LAMB4: variants seen among roughly 807,000 people sequenced by gnomAD.
LAMB4 encodes the protein laminin subunit beta 4.
Under a neutral mutation model 199.2 loss-of-function variants are expected in LAMB4, and 196 were observed. The observed-to-expected ratio is 0.98, with a 90% CI of 0.88 to 1.11. The LOEUF is 1.11. Ranked by LOEUF, LAMB4 falls within the 50% of genes least tolerant of loss-of-function variation. The pLI is 0.00. For synonymous variants in LAMB4, 744 were observed against 770.6 expected (o/e 0.97, Z 0.57); for missense variants, 2,080 against 2,171.2 (o/e 0.96, Z 0.83).
intron 6 of LAMB4, among the ~76,000 whole-genome samples, chr7:108,106,942 A>G (rs1304703568): frequency 6.6e-6 from 1 of 152,206 alleles, no homozygotes; most frequent in Non-Finnish European, 1.5e-5. Flanking sequence ...GGCATAGAAT[A>G]CAGATTATCA....
chr7:108,043,545 G>GTTT lies in LAMB4; in HGVS notation c.4471+204_4471+206dup, dbSNP rs748169558. 3.4e-4 allele frequency among the ~76,000 whole-genome samples: 19 copies of GTTT among 55,990 alleles called. 5 individuals carry two copies. Among genetic ancestry groups the GTTT allele is most frequent in the Non-Finnish European group, 4.6e-4 (16 of 34,520 alleles). 36.7% of individuals were successfully genotyped at this position (55,990 alleles called of 152,430 possible). A position where few individuals can be genotyped will look rare whatever the true frequency, so the allele number is the denominator to read the frequency against. On this transcript the variant is annotated intron_variant, in intron 29 of 33. Transcript: ENST00000388781. ...AATATAATTTGGAACTGGCTATGAT[G>GTTT]TTTTTTTTTTTTTTTTTTTTTTTTT...
At chr7:108,037,741 A>G in intron 29 of LAMB4, 146 bp from the exon 30 acceptor site, 1 of 635,676 alleles carries the variant, frequency 1.6e-6, no homozygotes, top group Non-Finnish European at 2.8e-6. Context: ...GTAGCTTCCT[A>G]TAGATTCTTC....
chr7:108,087,301 T>C (rs2037219434), intron 14 of LAMB4, among the ~76,000 whole-genome samples: 1 of 152,214 alleles, frequency 6.6e-6, no homozygotes, highest in Non-Finnish European at 1.5e-5. Flanking sequence ...GTTTCTGTTT[T>C]CTTTCATTCA....
At chr7:108,084,719 A>G (rs1018953951) in intron 14 of LAMB4, among the ~76,000 whole-genome samples, 2 of 151,284 alleles carry the variant, frequency 1.3e-5, no homozygotes, top group African/African-American at 4.8e-5. Context: ...GCTTTCTGTT[A>G]GAACCAGACT....
chr7:108,016,747 T>C, the LAMB4 span, among the ~76,000 whole-genome samples: 1 of 152,242 alleles, frequency 6.6e-6, no homozygotes, highest in Admixed American at 6.5e-5. Flanking sequence ...AGAGGTAATA[T>C]CTTCAGCTAG....
At chr7:108,086,128 G>C (rs1241400760) in intron 14 of LAMB4, among the ~76,000 whole-genome samples, 1 of 152,190 alleles carries the variant, frequency 6.6e-6, no homozygotes, top group East Asian at 1.9e-4. Context: ...AAGGTTACCT[G>C]CATCTGCCCT....
In LAMB4 at chr7:108,069,865, G is replaced by A; in HGVS notation, c.2145C>T (p.Ile715=). The A allele has an allele frequency of 6.2e-7, 1 of 1,612,652 alleles. No individual in the cohort carries two copies. The highest frequency in any genetic ancestry group is 8.5e-7 in the Non-Finnish European group (1 of 1,178,888). The stretch of plus-strand genomic sequence containing the variant: ...TGCTGCAGAAATTCTCCAATGAATT[G>A]ATTTGGGGAATAAGGCCAAGCTTTT... ...LVDSLGLIPQ[I]NSLENFCSKQ... The change falls in exon 18 of 34, where the codon ATC becomes ATT. Residue 715 remains isoleucine, a synonymous_variant. Transcript: ENST00000388781.
At chr7:108,114,337 G>A (rs1388944116) in intron 3 of LAMB4, among the ~76,000 whole-genome samples, 1 of 152,146 alleles carries the variant, frequency 6.6e-6, no homozygotes, top group African/African-American at 2.4e-5. Context: ...TACTTGGGAA[G>A]CTGAGGTGGG....
chr7:108,072,865 A>G (rs2036579746), intron 17 of LAMB4, among the ~76,000 whole-genome samples: 1 of 152,230 alleles, frequency 6.6e-6, no homozygotes, highest in African/African-American at 2.4e-5. Context: ...GTGGGGAGAG[A>G]TGAAAAAGAA....
chr7:108,089,150 C>T (rs1563081589), intron 14 of LAMB4, among the ~76,000 whole-genome samples: 1 of 152,120 alleles, frequency 6.6e-6, no homozygotes, highest in Non-Finnish European at 1.5e-5. Flanking sequence ...CAATGGACCC[C>T]CTGTATGTAA....
chr7:108,104,142 A>G (rs2037914954), intron 9 of LAMB4, among the ~76,000 whole-genome samples: 1 of 152,206 alleles, frequency 6.6e-6, no homozygotes, highest in Admixed American at 6.5e-5. Context: ...ATGTATGACT[A>G]TTCAGGATGA....
At chr7:108,070,542 G>A (rs1159439336) in intron 17 of LAMB4, among the ~76,000 whole-genome samples, 1 of 152,204 alleles carries the variant, frequency 6.6e-6, no homozygotes, top group African/African-American at 2.4e-5. Flanking sequence ...TGAAGATGAA[G>A]AGGATGAAGA....
intron 5 of LAMB4, 84 bp from the exon 6 acceptor site, chr7:108,107,903 T>C: frequency 1.0e-6 from 1 of 985,030 alleles, no homozygotes; most frequent in South Asian, 1.7e-5. Flanking sequence ...TATTTTCTAA[T>C]TCCATTTTTA....
intron 2 of LAMB4, among the ~76,000 whole-genome samples, chr7:108,119,727 A>C (rs1242159005): frequency 6.6e-6 from 1 of 152,136 alleles, no homozygotes; most frequent in Non-Finnish European, 1.5e-5. Context: ...TATGGTGATA[A>C]AATGGCATAG....
intron 14 of LAMB4, 109 bp downstream of exon 14, chr7:108,091,517 A>G: frequency 7.8e-7 from 1 of 1,282,516 alleles, no homozygotes; most frequent in Admixed American, 2.3e-5. Flanking sequence ...ATCTTTGGGC[A>G]AAAGCATTCT....
the LAMB4 span, among the ~76,000 whole-genome samples, chr7:108,014,534 T>TC: frequency 6.6e-6 from 1 of 152,154 alleles, no homozygotes; most frequent in South Asian, 2.1e-4. Context: ...ATTATTCATC[T>TC]CCCCAAAGTG....
chr7:108,017,149 T>G, the LAMB4 span, among the ~76,000 whole-genome samples: 1 of 152,246 alleles, frequency 6.6e-6, no homozygotes, highest in African/African-American at 2.4e-5. Flanking sequence ...GCAAGCTTAC[T>G]TTGTATCACT....
At chr7:108,050,604 G>A (rs1209922416) in intron 26 of LAMB4, among the ~76,000 whole-genome samples, 2 of 152,122 alleles carry the variant, frequency 1.3e-5, no homozygotes, top group Non-Finnish European at 2.9e-5. Context: ...AGAGGCCCAC[G>A]GTCCTGATCT....
intron 25 of LAMB4, among the ~76,000 whole-genome samples, chr7:108,055,174 A>G (rs1420057144): frequency 6.8e-6 from 1 of 146,132 alleles, no homozygotes; most frequent in Non-Finnish European, 1.5e-5. Context: ...GTAGACATAC[A>G]TGATTTCCAG....
Sources: allele counts gnomAD v4.1 joint callset (sites outside exome capture counted in the v4.1 genomes callset), GRCh38; gene constraint gnomAD v4.1.1; transcripts MANE v1.5; gene names NCBI Gene and HGNC (gene_info 2026-07-23, HGNC 2026-07-21).